Variants in TBCD observed in about 807,000 individuals in gnomAD.
TBCD encodes the protein tubulin folding cofactor D.
A neutral mutation model predicts 169.3 loss-of-function variants in TBCD; 105 were observed. That is an observed-to-expected ratio of 0.62 (90% CI 0.53 to 0.73). The LOEUF (loss-of-function observed/expected upper bound fraction) is 0.73, where lower values mean the gene tolerates loss of function less well. Ranked by LOEUF, TBCD falls within the 30% of genes least tolerant of loss-of-function variation. The pLI is 0.00. For missense variants in TBCD, 1,444 were observed against 1,600.1 expected (o/e 0.90, Z 1.66); for synonymous variants, 700 against 643.9 (o/e 1.09, Z -1.32).
intron 13 of TBCD, among the ~76,000 whole-genome samples, chr17:82,843,537 G>C (rs1950284857): frequency 9.6e-6 from 1 of 104,690 alleles, no homozygotes; most frequent in African/African-American, 4.1e-5. Context: ...TCACCATCCA[G>C]CTTACTTACC....
intron 13 of TBCD, chr17:82,859,522 T>C: frequency 4.1e-6 from 4 of 984,608 alleles, no homozygotes; most frequent in Non-Finnish European, 4.8e-6. Flanking sequence ...GCCTTGTGTG[T>C]CCTGTTGGGT....
intron 2 of TBCD, among the ~76,000 whole-genome samples, chr17:82,757,701 T>G (rs550513243): frequency 6.6e-6 from 1 of 151,970 alleles, no homozygotes; most frequent in East Asian, 1.9e-4. Context: ...CCTTCTGTCC[T>G]AGAAAAATTT....
intron 14 of TBCD, among the ~76,000 whole-genome samples, chr17:82,872,527 G>C (rs1017167935): frequency 6.6e-6 from 1 of 152,254 alleles, no homozygotes; most frequent in Non-Finnish European, 1.5e-5. Context: ...CAGCGCTGCT[G>C]TCTGTGTGCG....
chr17:82,771,423 G>GTT (rs879433375), intron 5 of TBCD, among the ~76,000 whole-genome samples: 41 of 145,066 alleles, frequency 2.8e-4, no homozygotes, highest in African/African-American at 6.8e-4. Context: ...GCTGCAGTGA[G>GTT]TTTTTTTTTT....
Position 82,923,564 on chromosome 17 carries a change from T to C in TBCD, c.2179-88T>C, listed in dbSNP as rs1303930969. The stretch of plus-strand genomic sequence containing the variant: ...CACGGTGTCCCTGGTCAGGTGCTTC[T>C]CCGACTTCAGAGTGACCTGCTCTGT... On this transcript the variant is annotated intron_variant, in intron 25 of 38. Coordinates refer to ENST00000355528, the MANE Select transcript of TBCD (RefSeq NM_005993.5). This position sits in a 1 kb window ranked among gnomAD's most constrained non-coding sequence, Gnocchi z 4.6. 1.8e-6 allele frequency: 2 copies of C among 1,123,766 alleles called. No individual in the cohort carries two copies. The highest frequency in any genetic ancestry group is 2.6e-6 in the Non-Finnish European group (2 of 774,256). The allele number at this position is 1,123,766 out of a possible 1,614,324, so 69.6% of individuals were successfully genotyped here.
intron 13 of TBCD, among the ~76,000 whole-genome samples, chr17:82,867,670 G>A (rs928574573): frequency 3.3e-5 from 5 of 152,220 alleles, no homozygotes; most frequent in African/African-American, 4.8e-5. Flanking sequence ...TCTTGAACCC[G>A]CTTATTAGAG....
rs1224638801 is a variant in TBCD at position 82,806,487 on chromosome 17, G to A, written c.1087+476G>A. Among the ~76,000 whole-genome samples the A allele has an allele frequency of 6.6e-6, 1 of 152,062 alleles. No homozygotes were observed. Among genetic ancestry groups the A allele is most frequent in the Non-Finnish European group, 1.5e-5 (1 of 68,012 alleles). Reference sequence around the variant, plus strand: ...GGGTCTCCTGCTGCACAGAGACAGAGCCATCAGCGGAGCCCCTCATGGCGG... The same window carrying A: ...GGGTCTCCTGCTGCACAGAGACAGAACCATCAGCGGAGCCCCTCATGGCGG... On this transcript the variant is annotated intron_variant, in intron 10 of 38. Transcript: ENST00000355528. This position sits in a 1 kb window ranked among gnomAD's most constrained non-coding sequence, Gnocchi z 5.1.
At chr17:82,899,688 T>C (rs1253312943) in intron 17 of TBCD, among the ~76,000 whole-genome samples, 6 of 152,262 alleles carry the variant, frequency 3.9e-5, no homozygotes, top group Admixed American at 2.6e-4. Flanking sequence ...TATTTAACTT[T>C]ATGAGAAACT....
At chr17:82,805,661 C>A (rs547406655) in intron 9 of TBCD, among the ~76,000 whole-genome samples, 40 of 152,292 alleles carry the variant, frequency 2.6e-4, no homozygotes, top group Admixed American at 8.5e-4. Context: ...ATGTTCTGGA[C>A]TCGGGGCGTG....
Position 82,858,603 on chromosome 17 carries a change from T to C in TBCD, c.1319-11621T>C, listed in dbSNP as rs2056506822. On this transcript the variant is annotated intron_variant, in intron 13 of 38. Coordinates refer to ENST00000355528, the MANE Select transcript of TBCD (RefSeq NM_005993.5). The stretch of plus-strand genomic sequence containing the variant: ...TGATGACAGTGCTGTGTGGACGGCC[T>C]GGTTCGCTGGGTGTGCCTCACAGAC... 13 of 985,342 alleles carry C rather than the reference T, an allele frequency of 1.3e-5. No individual in the cohort carries two copies. The South Asian group carries it at 5.6e-4, about 43-fold the overall frequency. The allele number at this position is 985,342 out of a possible 1,614,324, so 61.0% of individuals were successfully genotyped here.
intron 14 of TBCD, among the ~76,000 whole-genome samples, chr17:82,879,902 G>A (rs1409544405): frequency 6.6e-6 from 1 of 151,284 alleles, no homozygotes; most frequent in Non-Finnish European, 1.5e-5. Context: ...TTTTTTTGGA[G>A]TGGTGTATTG....
intron 15 of TBCD, among the ~76,000 whole-genome samples, chr17:82,885,320 GC>G (rs1306922349): frequency 6.6e-6 from 1 of 152,164 alleles, no homozygotes; most frequent in African/African-American, 2.4e-5. Context: ...TCTCTCAAAT[GC>G]AGGAGCTCAG....
intron 29 of TBCD, 118 bp downstream of exon 29, chr17:82,927,441 C>T (rs1485811654): frequency 2.8e-5 from 38 of 1,377,280 alleles, no homozygotes; most frequent in Non-Finnish European, 3.5e-5. Context: ...CCGTGTTTTG[C>T]GTTTTAAAGG....
intron 4 of TBCD, among the ~76,000 whole-genome samples, chr17:82,767,749 G>A (rs1375858718): frequency 6.6e-6 from 1 of 152,168 alleles, no homozygotes; most frequent in East Asian, 1.9e-4. Context: ...GAGGTCAGGA[G>A]ATCGAGACCA....
intron 15 of TBCD, among the ~76,000 whole-genome samples, chr17:82,885,504 T>A (rs1567957181): frequency 1.3e-5 from 2 of 152,238 alleles, no homozygotes; most frequent in South Asian, 4.1e-4. Flanking sequence ...TCCCTGAAGC[T>A]GCTCTTATTT....
intron 1 of TBCD, among the ~76,000 whole-genome samples, chr17:82,752,684 G>A (rs1598353114): frequency 1.3e-5 from 2 of 152,152 alleles, no homozygotes; most frequent in Middle Eastern, 6.8e-3. Context: ...GAAGCCCTCC[G>A]TCCCCCGTCT....
intron 6 of TBCD, among the ~76,000 whole-genome samples, chr17:82,774,790 C>T (rs1482518039): frequency 6.6e-6 from 1 of 152,150 alleles, no homozygotes; most frequent in East Asian, 1.9e-4. Context: ...AAATTGTGTA[C>T]CGTTCTGACT....
In TBCD at chr17:82,924,974, A is replaced by G; in HGVS notation, c.2296A>G (p.Asn766Asp). 1 of 1,574,198 alleles carries G rather than the reference A, an allele frequency of 6.4e-7. No homozygotes were observed. The highest frequency in any genetic ancestry group is 8.6e-7 in the Non-Finnish European group (1 of 1,158,634). Reference sequence around the variant, plus strand: ...CACGCAGTACCTGGCTGAGCTTCGGAACCCCGAGGAGATGACTCGCTGTGG... The same window carrying G: ...CACGCAGTACCTGGCTGAGCTTCGGGACCCCGAGGAGATGACTCGCTGTGG... Reference protein sequence around the residue: ...LITQYLAELRNPEEMTRCGFS... With the variant: ...LITQYLAELRDPEEMTRCGFS... Residue 766 changes from asparagine (N) to aspartate (D), a missense_variant, in exon 27 of 39, where the codon AAC (asparagine) becomes GAC (aspartate). Transcript: ENST00000355528.
At position 82,903,432 on chromosome 17, in the gene TBCD, G is replaced by A. The variant is rs772560702; in HGVS notation, c.1758G>A (p.Ala586=). 4 of 1,604,376 alleles carry A rather than the reference G, an allele frequency of 2.5e-6. No homozygotes were observed. The highest frequency in any genetic ancestry group is 2.2e-5 in the East Asian group (1 of 44,468). ...DGVIRELAAR[A]LHNLAQQAPE... ...TCATCCGAGAGTTGGCTGCGAGGGC[G>A]CTGCACAACCTGGCCCAGCAGGCAC... Residue 586 remains alanine, a synonymous_variant, in exon 19 of 39, where the codon GCG becomes GCA. Transcript: ENST00000355528. The surrounding 1 kb of genome is among the most constrained non-coding windows in gnomAD (Gnocchi z 4.8).
Sources: gnomAD v4.1 joint callset for allele counts (sites outside exome capture counted in the v4.1 genomes callset) on GRCh38, gnomAD v4.1.1 for gene constraint, Gnocchi (gnomAD v3.1) non-coding constraint, MANE v1.5 for transcripts, NCBI Gene and HGNC (gene_info 2026-07-23, HGNC 2026-07-21) for gene names.